The following PRIMA1 variants were observed in gnomAD, a reference collection of about 807,000 sequenced individuals.
The protein encoded by PRIMA1 is proline rich membrane anchor 1, also known as proline-rich membrane anchor 1.
In PRIMA1, 7 loss-of-function variants were observed where a neutral mutation model predicts 17.5. That is an observed-to-expected ratio of 0.40 (90% CI 0.23 to 0.75). The LOEUF (loss-of-function observed/expected upper bound fraction) is 0.75. PRIMA1 is among the 30% of genes least tolerant of loss of function. PRIMA1 has a pLI of 0.37. For synonymous variants in PRIMA1, 97 were observed against 77.9 expected, an observed-to-expected ratio of 1.25 and a Z score of -1.29; for missense variants, 200 against 201.8, an observed-to-expected ratio of 0.99 and a Z score of 0.05.
At chr14:93,746,534 G>A (rs2076219483) in intron 3 of PRIMA1, among the ~76,000 whole-genome samples, 1 of 152,100 alleles carries the variant, frequency 6.6e-6, no homozygotes, top group African/African-American at 2.4e-5. Flanking sequence ...GGAGTCGCGA[G>A]GGGAGACTAG....
chr14:93,774,522 A>C (rs181217488), intron 3 of PRIMA1, among the ~76,000 whole-genome samples: 3 of 152,302 alleles, frequency 2.0e-5, no homozygotes, highest in Admixed American at 2.0e-4. Context: ...CCTGTGGATC[A>C]ATGTCACTTC....
At chr14:93,744,449 G>C (rs553022461) in intron 3 of PRIMA1, among the ~76,000 whole-genome samples, 145 of 152,366 alleles carry the variant, frequency 9.5e-4, no homozygotes, top group African/African-American at 3.4e-3. Flanking sequence ...GCTGGGGGAG[G>C]TCTGGAGAGC....
In PRIMA1 at chr14:93,721,276, A is replaced by C; in HGVS notation, c.*168T>G. On this transcript the variant is annotated 3_prime_UTR_variant, in exon 5 of 5. Transcript: ENST00000393140. ...CCGAGCTGCCTGGGCCCGCAGGCTGACCAGGGGCAAGCCTGGGAAGACAAT... is the reference window on the plus strand; with the variant it reads ...CCGAGCTGCCTGGGCCCGCAGGCTGCCCAGGGGCAAGCCTGGGAAGACAAT... The C allele has an allele frequency of 1.7e-6, 1 of 584,380 alleles. No individual in the cohort carries two copies. The highest frequency in any genetic ancestry group is 3.0e-6 in the Non-Finnish European group (1 of 330,180). 36.2% of individuals were successfully genotyped at this position (584,380 alleles called of 1,614,324 possible). A position where few individuals can be genotyped will look rare whatever the true frequency, so the allele number is the denominator to read the frequency against.
chr14:93,764,165 G>A (rs1731196649), intron 3 of PRIMA1, among the ~76,000 whole-genome samples: 1 of 151,840 alleles, frequency 6.6e-6, no homozygotes, highest in Non-Finnish European at 1.5e-5. Context: ...TCCAGAATCT[G>A]CAGGCTGCCG....
At chr14:93,764,063 G>A (rs781597171) in intron 3 of PRIMA1, among the ~76,000 whole-genome samples, 1 of 151,752 alleles carries the variant, frequency 6.6e-6, no homozygotes, top group African/African-American at 2.4e-5. Flanking sequence ...ATGTCTGGTC[G>A]GTCACTGAGT....
At chr14:93,760,762 CA>C (rs747231478) in intron 3 of PRIMA1, among the ~76,000 whole-genome samples, 1 of 152,184 alleles carries the variant, frequency 6.6e-6, no homozygotes, top group Non-Finnish European at 1.5e-5. Flanking sequence ...GCCCCAGGGC[CA>C]CCAAACTCTT....
chr14:93,784,817 G>A (rs2141198567), intron 2 of PRIMA1, among the ~76,000 whole-genome samples: 1 of 152,272 alleles, frequency 6.6e-6, no homozygotes, highest in South Asian at 2.1e-4. Flanking sequence ...ATAATTACTT[G>A]TTTAATTAGC....
chr14:93,733,285 G>T (rs2141157562), intron 4 of PRIMA1, among the ~76,000 whole-genome samples: 1 of 151,992 alleles, frequency 6.6e-6, no homozygotes, highest in South Asian at 2.1e-4. Flanking sequence ...CGTCTACCCA[G>T]TGCACAGGTG....
At chr14:93,770,628 G>A (rs764966891) in intron 3 of PRIMA1, among the ~76,000 whole-genome samples, 26 of 152,072 alleles carry the variant, frequency 1.7e-4, no homozygotes, top group Non-Finnish European at 3.7e-4. Flanking sequence ...CTATCAAATC[G>A]TATGATTTTC....
chr14:93,732,059 A>G (rs984721860), intron 4 of PRIMA1, among the ~76,000 whole-genome samples: 1 of 152,238 alleles, frequency 6.6e-6, no homozygotes, highest in Non-Finnish European at 1.5e-5. Flanking sequence ...TCCTGAGACC[A>G]CGTATTGGTC....
intron 4 of PRIMA1, among the ~76,000 whole-genome samples, chr14:93,736,006 A>G (rs1437106090): frequency 6.6e-6 from 1 of 152,178 alleles, no homozygotes; most frequent in Non-Finnish European, 1.5e-5. Flanking sequence ...GGTTTTCAAG[A>G]CTAAGCCGCT....
At chr14:93,728,814 T>G (rs1305398805) in intron 4 of PRIMA1, among the ~76,000 whole-genome samples, 1 of 152,166 alleles carries the variant, frequency 6.6e-6, no homozygotes, top group Non-Finnish European at 1.5e-5. Context: ...CTGGGCTCCA[T>G]GCGCCCCACA....
At chr14:93,731,220 T>C (rs1282832065) in intron 4 of PRIMA1, among the ~76,000 whole-genome samples, 2 of 152,196 alleles carry the variant, frequency 1.3e-5, no homozygotes, top group Non-Finnish European at 2.9e-5. Context: ...AGGGGAAGTA[T>C]GTTGTATGTC....
intron 3 of PRIMA1, among the ~76,000 whole-genome samples, chr14:93,744,559 G>A (rs1019897917): frequency 2.6e-5 from 4 of 152,220 alleles, no homozygotes; most frequent in Admixed American, 6.5e-5. Flanking sequence ...AGACCTCGAT[G>A]CCTTGGCCAG....
intron 3 of PRIMA1, among the ~76,000 whole-genome samples, chr14:93,775,021 C>T (rs574911743): frequency 6.6e-6 from 1 of 152,334 alleles, no homozygotes; most frequent in South Asian, 2.1e-4. Context: ...AAGTCCTTGG[C>T]CTTTCATGAC....
At position 93,787,655 on chromosome 14, in the gene PRIMA1, C is replaced by T; in HGVS notation, c.64G>A (p.Ala22Thr). The T allele has an allele frequency of 6.5e-7, 1 of 1,543,274 alleles. No homozygotes were observed. Among genetic ancestry groups the T allele is most frequent in the East Asian group, 2.4e-5 (1 of 40,900 alleles). The change falls in exon 2 of 5, where the codon GCG becomes ACG. Residue 22 changes from alanine (A) to threonine (T), a missense_variant. Ala to Thr is a moderately conservative substitution (Grantham distance 58). Transcript: ENST00000393140. The part of the protein sequence containing the change: ...CCWSSLLLHC[A>T]LHPLWGFVQV... ...ACGAAGCCCCAGAGCGGGTGGAGCG[C>T]GCAGTGCAGCAGCAGCGAGGACCAG...
intron 3 of PRIMA1, among the ~76,000 whole-genome samples, chr14:93,752,028 A>G (rs930291488): frequency 1.8e-4 from 27 of 152,146 alleles, no homozygotes; most frequent in African/African-American, 6.5e-4. Flanking sequence ...CCACCATCGC[A>G]GAAAGTGTAT....
At chr14:93,753,866 A>G (rs2076275212) in intron 3 of PRIMA1, among the ~76,000 whole-genome samples, 1 of 152,158 alleles carries the variant, frequency 6.6e-6, no homozygotes, top group Non-Finnish European at 1.5e-5. Flanking sequence ...AAATCCCACA[A>G]TGTGAACCAG....
intron 2 of PRIMA1, among the ~76,000 whole-genome samples, chr14:93,780,309 G>T (rs1201303337): frequency 1.3e-5 from 2 of 152,218 alleles, no homozygotes; most frequent in African/African-American, 4.8e-5. Flanking sequence ...GATGTTACCT[G>T]GTTCATACCT....
Sources: allele counts gnomAD v4.1 joint callset (sites outside exome capture counted in the v4.1 genomes callset), GRCh38; gene constraint gnomAD v4.1.1; transcripts MANE v1.5; gene names NCBI Gene and HGNC (gene_info 2026-07-23, HGNC 2026-07-21).